The following SLIT1 variants were observed in gnomAD, a reference collection of about 807,000 sequenced individuals.
SLIT1 encodes slit homolog 1 protein.
SLIT1 carries 66 observed loss-of-function variants against 186.1 expected under a neutral mutation model. That is an observed-to-expected ratio of 0.35 (90% CI 0.29 to 0.44). SLIT1 has a LOEUF of 0.44. Ranked by LOEUF, SLIT1 falls within the 20% of genes least tolerant of loss-of-function variation. SLIT1 has a pLI of 1.00. For missense variants in SLIT1, 1,638 were observed against 2,037.4 expected (o/e 0.80, Z 3.77); for synonymous variants, 761 against 833.8 (o/e 0.91, Z 1.50).
intron 4 of SLIT1, among the ~76,000 whole-genome samples, chr10:97,133,746 C>A (rs1255162554): frequency 6.6e-6 from 1 of 152,168 alleles, no homozygotes; most frequent in Non-Finnish European, 1.5e-5. Context: ...GACATATCAT[C>A]CATCTCCTTC....
chr10:97,050,756 T>C (rs1046635470), intron 13 of SLIT1, among the ~76,000 whole-genome samples: 12 of 152,204 alleles, frequency 7.9e-5, no homozygotes, highest in African/African-American at 2.9e-4. Context: ...GGCAGAAAAC[T>C]GTGTAGTCAA....
Position 97,060,762 on chromosome 10 carries a change from G to A in SLIT1, c.819C>T (p.Pro273=), listed in dbSNP as rs749862314. Residue 273 remains proline, a synonymous_variant, in exon 9 of 37, where the codon CCC becomes CCT. Transcript: ENST00000266058. ...AGGAGCCGGAGGACAGGGTGCAGGT[G>A]GGCACGCGCCCCGCTTCTCCCTGGC... ...CSGQGEAGRV[P]TCTLSSGSCP... The A allele has an allele frequency of 4.3e-6, 7 of 1,610,806 alleles. No individual in the cohort carries two copies. The highest frequency in any genetic ancestry group is 8.5e-7 in the Non-Finnish European group (1 of 1,178,640).
intron 4 of SLIT1, among the ~76,000 whole-genome samples, chr10:97,150,530 T>C (rs1849865568): frequency 6.6e-6 from 1 of 152,024 alleles, no homozygotes; most frequent in Admixed American, 6.6e-5. Flanking sequence ...ATGGTGGTCC[T>C]TACAGCAGGG....
chr10:97,040,177 T>A, intron 20 of SLIT1, 57 bp from the exon 21 acceptor site: 1 of 1,467,926 alleles, frequency 6.8e-7, no homozygotes, highest in Non-Finnish European at 9.0e-7. Context: ...CTGTAGGGCC[T>A]CCTACAGTCA....
intron 4 of SLIT1, among the ~76,000 whole-genome samples, chr10:97,136,611 C>T (rs761437121): frequency 6.6e-6 from 1 of 152,150 alleles, no homozygotes; most frequent in Non-Finnish European, 1.5e-5. Context: ...AAAAACAAAC[C>T]ATCTCTGCCC....
intron 11 of SLIT1, chr10:97,057,834 C>A (rs926143243): frequency 3.6e-6 from 2 of 552,036 alleles, no homozygotes; most frequent in African/African-American, 1.9e-5. Context: ...AACAAAAGTT[C>A]AAAAAAACAC....
chr10:97,164,879 C>T lies in SLIT1; in HGVS notation c.209G>A (p.Gly70Asp), dbSNP rs1564692143. ...CTTATGGATCCGAGTGATGTTGTTG[C>T]CATTGAGTTCCCTGGAGGAAGAAGG... ...PRNTERLELNGNNITRIHKND... is the reference protein window; with the variant it reads ...PRNTERLELNDNNITRIHKND... The change falls in exon 2 of 37, where the codon GGC (glycine) becomes GAC (aspartate). Residue 70 changes from glycine to aspartate, a missense_variant. By Grantham distance (94) the Gly-to-Asp change is moderately conservative. This residue lies in a region of SLIT1 where 1,245 missense variants were observed against 1,535.3 expected (regional missense o/e 0.81). Transcript: ENST00000266058. The T allele has an allele frequency of 1.2e-6, 2 of 1,613,074 alleles. No homozygotes were observed. Among genetic ancestry groups the T allele is most frequent in the Non-Finnish European group, 1.7e-6 (2 of 1,179,224 alleles).
intron 4 of SLIT1, among the ~76,000 whole-genome samples, chr10:97,110,296 G>A (rs896112553): frequency 3.3e-5 from 5 of 152,088 alleles, no homozygotes; most frequent in African/African-American, 1.2e-4. Flanking sequence ...GTTGATGCAC[G>A]TGCCCATGAC....
intron 4 of SLIT1, among the ~76,000 whole-genome samples, chr10:97,137,940 A>G (rs913231515): frequency 2.0e-5 from 3 of 152,216 alleles, no homozygotes; most frequent in Non-Finnish European, 4.4e-5. Flanking sequence ...AAACAAGATT[A>G]AGCAACTTGC....
At chr10:97,064,325 C>T (rs1234946271) in intron 6 of SLIT1, 86 bp from the exon 7 acceptor site, 5 of 1,106,026 alleles carry the variant, frequency 4.5e-6, no homozygotes, top group Non-Finnish European at 6.8e-6. Flanking sequence ...AACAGGGAGG[C>T]TCTCGACCTT....
Position 97,004,966 on chromosome 10 carries a change from A to G in SLIT1, c.3580-143T>C. 4 of 949,248 alleles carry G rather than the reference A, an allele frequency of 4.2e-6. No individual in the cohort carries two copies. Among genetic ancestry groups the G allele is most frequent in the Non-Finnish European group, 6.4e-6 (4 of 624,818 alleles). 58.8% of individuals were successfully genotyped at this position (949,248 alleles called of 1,614,324 possible). A position where few individuals can be genotyped will look rare whatever the true frequency, so the allele number is the denominator to read the frequency against. On this transcript the variant is annotated intron_variant, in intron 32 of 36. Coordinates refer to ENST00000266058, the MANE Select transcript of SLIT1 (RefSeq NM_003061.3). This position sits in a 1 kb window ranked among gnomAD's most constrained non-coding sequence, Gnocchi z 5.1. The stretch of plus-strand genomic sequence containing the variant: ...TTCCCCCACCTGGCCAGCCTCCCCA[A>G]GGCCATTCCTCCAGGGGGCACCAAT...
intron 1 of SLIT1, among the ~76,000 whole-genome samples, chr10:97,183,733 C>T (rs996804036): frequency 9.2e-5 from 14 of 152,052 alleles, no homozygotes; most frequent in Admixed American, 2.6e-4. Context: ...GATTCAAAAG[C>T]AAAGAAGAAG....
rs548499358 is a variant in SLIT1 at position 97,120,402 on chromosome 10, AGGACT to A, written c.413+37411_413+37415del. Among the ~76,000 whole-genome samples, 28 of 152,284 alleles carry A rather than the reference AGGACT, an allele frequency of 1.8e-4. 1 individual carries two copies. The East Asian group carries it at 5.2e-3, about 28-fold the overall frequency. On this transcript the variant is annotated intron_variant, in intron 4 of 36. Transcript: ENST00000266058. ...CCCTGTGAGATTTACTTGAATACAC[AGGACT>A]GTTGTCTGAAAAGTGTGTGTCCTCC...
chr10:97,028,717 G>T (rs553781457), intron 25 of SLIT1, among the ~76,000 whole-genome samples: 7 of 152,236 alleles, frequency 4.6e-5, no homozygotes, highest in African/African-American at 1.4e-4. Flanking sequence ...GGTCACAGTG[G>T]GCAGAAACCT....
chr10:97,102,443 GAAAGAAAGAAA>G (rs1849368197), intron 4 of SLIT1: 1 of 129,284 alleles, frequency 7.7e-6, no homozygotes, highest in African/African-American at 2.9e-5. Context: ...AAAAAAGAAA[GAAAGAAAGAAA>G]AAAGAAAAAA....
intron 14 of SLIT1, 97 bp from the exon 15 acceptor site, chr10:97,048,093 AG>A: frequency 7.3e-7 from 1 of 1,364,454 alleles, no homozygotes; most frequent in South Asian, 1.2e-5. Flanking sequence ...AAGGCACCCC[AG>A]ACAGGGCTGA....
intron 22 of SLIT1, among the ~76,000 whole-genome samples, chr10:97,035,090 C>T (rs1266965824): frequency 6.6e-6 from 1 of 152,030 alleles, no homozygotes; most frequent in African/African-American, 2.4e-5. Context: ...ATGGCCTCTC[C>T]GAGTCACCTG....
At chr10:97,037,627 T>A in intron 22 of SLIT1, 71 bp downstream of exon 22, 1 of 1,221,250 alleles carries the variant, frequency 8.2e-7, no homozygotes, top group Non-Finnish European at 1.2e-6. Context: ...CGTAGGAAAT[T>A]CCAGGAAAGC....
At chr10:97,135,369 A>C (rs1202510446) in intron 4 of SLIT1, among the ~76,000 whole-genome samples, 2 of 152,192 alleles carry the variant, frequency 1.3e-5, no homozygotes, top group African/African-American at 4.8e-5. Flanking sequence ...GGGAAGGGAC[A>C]TGCAGTTCTA....
Sources: gnomAD v4.1 joint callset for allele counts (sites outside exome capture counted in the v4.1 genomes callset) on GRCh38, gnomAD v4.1.1 for gene constraint, gnomAD v4.1.1 regional missense constraint, Gnocchi (gnomAD v3.1) non-coding constraint, MANE v1.5 for transcripts, NCBI Gene and HGNC (gene_info 2026-07-23, HGNC 2026-07-21) for gene names.